ADCK1: variants seen among roughly 807,000 people sequenced by gnomAD.
The protein encoded by ADCK1 is aarF domain containing kinase 1.
A neutral mutation model predicts 52.3 loss-of-function variants in ADCK1; 41 were observed. The observed-to-expected ratio is 0.78, with a 90% CI of 0.61 to 1.02. ADCK1 has a LOEUF of 1.02. ADCK1 is among the 50% of genes least tolerant of loss of function. The pLI is 0.00. For missense variants in ADCK1, 658 were observed against 679.5 expected, an observed-to-expected ratio of 0.97 and a Z score of 0.35; for synonymous variants, 250 against 274.6, an observed-to-expected ratio of 0.91 and a Z score of 0.89.
chr14:77,822,338 T>C, intron 2 of ADCK1, 97 bp from the exon 3 acceptor site: 1 of 946,820 alleles, frequency 1.1e-6, no homozygotes. Context: ...CCCCCAGACA[T>C]AGCAGCTGTG....
At chr14:77,915,901 A>G (rs1373220731) in intron 7 of ADCK1, among the ~76,000 whole-genome samples, 1 of 152,192 alleles carries the variant, frequency 6.6e-6, no homozygotes, top group East Asian at 1.9e-4. Flanking sequence ...GATACAAGAG[A>G]GTAACCCACT....
chr14:77,842,069 C>T (rs925462225), intron 3 of ADCK1, among the ~76,000 whole-genome samples: 7 of 151,868 alleles, frequency 4.6e-5, no homozygotes, highest in African/African-American at 1.5e-4. Context: ...CCAGCCTGGG[C>T]GACTGAGTGA....
chr14:77,934,879 C>G lies in ADCK1; in HGVS notation c.*1488C>G, dbSNP rs1337641349. On this transcript the variant is annotated 3_prime_UTR_variant, in exon 11 of 11. Transcript: ENST00000238561. ...AAAAGAATTAATTGTTCTTAGTGAC[C>G]AGTTGGATGCACCCAGGGACCTGAG... The G allele has an allele frequency of 6.6e-6, 1 of 152,128 alleles. No individual in the cohort carries two copies. The highest frequency in any genetic ancestry group is 1.5e-5 in the Non-Finnish European group (1 of 68,032). The allele number at this position is 152,128 out of a possible 1,614,324, so 9.4% of individuals were successfully genotyped here.
intron 8 of ADCK1, among the ~76,000 whole-genome samples, 169 bp from the exon 9 acceptor site, chr14:77,925,595 C>T (rs531344881): frequency 4.6e-5 from 7 of 152,306 alleles, no homozygotes; most frequent in Non-Finnish European, 7.4e-5. Context: ...GCCAAAGAGT[C>T]GCTTTGAACT....
chr14:77,847,931 C>T (rs892760997), intron 3 of ADCK1, among the ~76,000 whole-genome samples: 14 of 151,988 alleles, frequency 9.2e-5, no homozygotes, highest in South Asian at 4.2e-4. Context: ...CCATGGTGGC[C>T]GTGTGGCCTA....
At chr14:77,897,535 T>A (rs530631183) in intron 5 of ADCK1, among the ~76,000 whole-genome samples, 1 of 152,294 alleles carries the variant, frequency 6.6e-6, no homozygotes, top group Non-Finnish European at 1.5e-5. Flanking sequence ...GAATGCCAGA[T>A]ACATCTTCTA....
chr14:77,851,466 G>T (rs111548616), intron 3 of ADCK1, among the ~76,000 whole-genome samples: 48 of 152,078 alleles, frequency 3.2e-4, no homozygotes, highest in African/African-American at 1.1e-3. Flanking sequence ...TTTTACTTAG[G>T]GTGTTTAGGG....
chr14:77,837,350 C>A (rs2081982870), intron 3 of ADCK1, among the ~76,000 whole-genome samples: 1 of 152,062 alleles, frequency 6.6e-6, no homozygotes, highest in Non-Finnish European at 1.5e-5. Flanking sequence ...GCTGGCCAGG[C>A]TGGTCTTCAA....
chr14:77,855,290 T>A (rs2082394487), intron 3 of ADCK1, among the ~76,000 whole-genome samples: 3 of 152,254 alleles, frequency 2.0e-5, no homozygotes, highest in Admixed American at 2.0e-4. Flanking sequence ...ACACTAGCCC[T>A]GGCTAAATGG....
chr14:77,847,538 C>T (rs978606676), intron 3 of ADCK1, among the ~76,000 whole-genome samples: 47 of 152,324 alleles, frequency 3.1e-4, no homozygotes, highest in Admixed American at 2.4e-3. Context: ...CTACTGCCCT[C>T]CAGCCTGGGT....
rs548838659 is a variant in ADCK1, at chr14:77,900,605, C to A, written c.741+1347C>A. 11 of 455,758 alleles carry A rather than the reference C, an allele frequency of 2.4e-5. No homozygotes were observed. The East Asian group carries it at 7.0e-4, about 29-fold the overall frequency. 28.2% of individuals were successfully genotyped at this position (455,758 alleles called of 1,614,324 possible). On this transcript the variant is annotated intron_variant, in intron 6 of 10. Coordinates refer to ENST00000238561, the MANE Select transcript of ADCK1 (RefSeq NM_020421.4). Reference sequence around the variant, plus strand: ...GCGTCTCAAGGAACAACAACAACAACAAAAAAGAAATGGGACAGAAAGTTG... The same window carrying A: ...GCGTCTCAAGGAACAACAACAACAAAAAAAAAGAAATGGGACAGAAAGTTG...
intron 6 of ADCK1, 23 bp downstream of exon 6, chr14:77,899,281 G>C: frequency 6.2e-7 from 1 of 1,613,170 alleles, no homozygotes; most frequent in Non-Finnish European, 8.5e-7. Context: ...ATGCAATGCA[G>C]GGTATGGTGG....
At chr14:77,813,589 A>C (rs2081379522) in intron 1 of ADCK1, among the ~76,000 whole-genome samples, 1 of 151,514 alleles carries the variant, frequency 6.6e-6, no homozygotes, top group Non-Finnish European at 1.5e-5. Flanking sequence ...GATTACAGGC[A>C]TGAGCCACGT....
intron 4 of ADCK1, 35 bp downstream of exon 4, chr14:77,859,314 G>A: frequency 6.3e-7 from 1 of 1,592,304 alleles, no homozygotes; most frequent in Non-Finnish European, 8.6e-7. Context: ...GGCCTTGGTT[G>A]GGATGCTTCA....
At chr14:77,916,473 T>A (rs184636905) in intron 7 of ADCK1, among the ~76,000 whole-genome samples, 19 of 152,302 alleles carry the variant, frequency 1.2e-4, no homozygotes, top group African/African-American at 4.6e-4. Context: ...TTATTTATTT[T>A]AATATAGGTT....
intron 4 of ADCK1, among the ~76,000 whole-genome samples, chr14:77,865,206 C>T (rs980244504): frequency 3.3e-5 from 5 of 152,242 alleles, no homozygotes; most frequent in Admixed American, 6.5e-5. Context: ...CAGCTGAGTG[C>T]GATGGCTTAT....
At chr14:77,861,768 C>A (rs556621292) in intron 4 of ADCK1, among the ~76,000 whole-genome samples, 1 of 152,350 alleles carries the variant, frequency 6.6e-6, no homozygotes, top group East Asian at 1.9e-4. Flanking sequence ...ACTATGTCCT[C>A]AGACCCATCC....
intron 2 of ADCK1, among the ~76,000 whole-genome samples, chr14:77,819,700 G>A (rs986360686): frequency 2.6e-5 from 4 of 152,192 alleles, no homozygotes; most frequent in African/African-American, 9.7e-5. Context: ...GGTGTGATCA[G>A]GTCCTCTTAA....
At chr14:77,830,658 T>G (rs2081828080) in intron 3 of ADCK1, among the ~76,000 whole-genome samples, 1 of 151,692 alleles carries the variant, frequency 6.6e-6, no homozygotes, top group Admixed American at 6.6e-5. Flanking sequence ...GCTTCTGTGT[T>G]GGACAGTGGG....
Sources: gnomAD v4.1 joint callset for allele counts (sites outside exome capture counted in the v4.1 genomes callset) on GRCh38, gnomAD v4.1.1 for gene constraint, MANE v1.5 for transcripts, NCBI Gene and HGNC (gene_info 2026-07-23, HGNC 2026-07-21) for gene names.